PAQR5: variants seen among roughly 807,000 people sequenced by gnomAD.
PAQR5 encodes membrane progestin receptor gamma.
PAQR5 carries 20 observed loss-of-function variants against 34.5 expected under a neutral mutation model. The observed-to-expected ratio is 0.58, with a 90% CI of 0.41 to 0.84. The LOEUF (loss-of-function observed/expected upper bound fraction) is 0.84. Ranked by LOEUF, PAQR5 falls within the 40% of genes least tolerant of loss-of-function variation. The pLI is 0.00. For synonymous variants in PAQR5, 131 were observed against 155.6 expected, an observed-to-expected ratio of 0.84 and a Z score of 1.18; for missense variants, 378 against 412.7, an observed-to-expected ratio of 0.92 and a Z score of 0.73.
At chr15:69,316,050 T>C (rs1454231093) in intron 1 of PAQR5, among the ~76,000 whole-genome samples, 1 of 152,200 alleles carries the variant, frequency 6.6e-6, no homozygotes, top group Non-Finnish European at 1.5e-5. Context: ...CTGATTTAGA[T>C]GAACTGTTAT....
At chr15:69,366,876 G>A (rs929151658) in intron 3 of PAQR5, among the ~76,000 whole-genome samples, 1 of 151,840 alleles carries the variant, frequency 6.6e-6, no homozygotes, top group African/African-American at 2.4e-5. Context: ...GTATATCCAA[G>A]TTTATAATTG....
chr15:69,321,217 C>G (rs1432598298), intron 1 of PAQR5, among the ~76,000 whole-genome samples: 2 of 152,246 alleles, frequency 1.3e-5, no homozygotes. Context: ...CATGCAACAT[C>G]TGAGTAGGAC....
chr15:69,337,042 T>C (rs538946882), intron 1 of PAQR5, among the ~76,000 whole-genome samples: 4 of 152,254 alleles, frequency 2.6e-5, no homozygotes, highest in African/African-American at 9.6e-5. Context: ...TCAGATAACT[T>C]TAAAAATTGT....
intron 2 of PAQR5, among the ~76,000 whole-genome samples, chr15:69,342,088 A>C (rs902646597): frequency 6.6e-6 from 1 of 152,076 alleles, no homozygotes; most frequent in African/African-American, 2.4e-5. Flanking sequence ...CCAGAAATGC[A>C]TTAGTTTCTA....
rs1286101357 is a variant in PAQR5, at chr15:69,407,147, T to C, written c.*3325T>C. On this transcript the variant is annotated 3_prime_UTR_variant, in exon 9 of 9. Transcript: ENST00000395407. ...TTTAACATTTTTTAATTAAAAAAAA[T>C]ATTTTTTGAGACAGGGTCTTGTTCT... 2 of 152,218 alleles carry C rather than the reference T, an allele frequency of 1.3e-5. No individual in the cohort carries two copies. Among genetic ancestry groups the C allele is most frequent in the Non-Finnish European group, 2.9e-5 (2 of 68,052 alleles). 9.4% of individuals were successfully genotyped at this position (152,218 alleles called of 1,614,324 possible).
At chr15:69,350,474 C>T (rs1482220554) in intron 2 of PAQR5, among the ~76,000 whole-genome samples, 2 of 151,994 alleles carry the variant, frequency 1.3e-5, no homozygotes, top group African/African-American at 4.8e-5. Flanking sequence ...GAAACGCTGT[C>T]TCTGCTAAAA....
chr15:69,318,672 G>A (rs1379768771), intron 1 of PAQR5, among the ~76,000 whole-genome samples: 1 of 151,900 alleles, frequency 6.6e-6, no homozygotes, highest in African/African-American at 2.4e-5. Context: ...AAGGGAGGTA[G>A]TTCAAGACCC....
In PAQR5 at chr15:69,385,524, A is replaced by C. The variant is rs534348119; in HGVS notation, c.385+642A>C. On this transcript the variant is annotated intron_variant, in intron 5 of 8. Transcript: ENST00000395407. This position sits in a 1 kb window ranked among gnomAD's most constrained non-coding sequence, Gnocchi z 4.7. ...CCTAAGCTGGTGAAATTCGGTGCTG[A>C]CCGCCCCCTCTTCCTTGTCTTTTTC... Among the ~76,000 whole-genome samples, 1 of 151,954 alleles carries C rather than the reference A, an allele frequency of 6.6e-6. No individual in the cohort carries two copies. The highest frequency in any genetic ancestry group is 1.9e-4 in the East Asian group (1 of 5,172).
chr15:69,394,611 G>A (rs1216772595), intron 6 of PAQR5, among the ~76,000 whole-genome samples: 2 of 152,168 alleles, frequency 1.3e-5, no homozygotes, highest in Admixed American at 6.5e-5. Context: ...GGCTTCTCCC[G>A]TAACCCAGTG....
chr15:69,348,345 C>A (rs2054826063), intron 2 of PAQR5, among the ~76,000 whole-genome samples: 1 of 152,178 alleles, frequency 6.6e-6, no homozygotes, highest in African/African-American at 2.4e-5. Flanking sequence ...AATGGGGAAA[C>A]TGAAGCACAG....
chr15:69,381,604 A>G (rs1010307858), intron 4 of PAQR5, among the ~76,000 whole-genome samples: 1 of 152,070 alleles, frequency 6.6e-6, no homozygotes, highest in Non-Finnish European at 1.5e-5. Context: ...CCGCACCCCC[A>G]TCACCTCCAG....
At chr15:69,307,768 G>A (rs1305213167) in intron 1 of PAQR5, among the ~76,000 whole-genome samples, 1 of 152,088 alleles carries the variant, frequency 6.6e-6, no homozygotes, top group Non-Finnish European at 1.5e-5. Flanking sequence ...AGAAGACCAA[G>A]TGAGAGAAAG....
Position 69,385,268 on chromosome 15 carries a change from T to C in PAQR5, c.385+386T>C, listed in dbSNP as rs2056074877. ...GTAGATGTAGTCATTGAGTACTCAG[T>C]ACTTTTGTTAATATGATTTATTTAA... On this transcript the variant is annotated intron_variant, in intron 5 of 8. Transcript: ENST00000395407. This position sits in a 1 kb window ranked among gnomAD's most constrained non-coding sequence, Gnocchi z 4.7. Among the ~76,000 whole-genome samples the C allele has an allele frequency of 6.6e-6, 1 of 152,224 alleles. No homozygotes were observed. The highest frequency in any genetic ancestry group is 2.4e-5 in the African/African-American group (1 of 41,448).
rs113263881 is a variant in PAQR5, at chr15:69,405,961, T to C, written c.*2139T>C. 1 of 152,208 alleles carries C rather than the reference T, an allele frequency of 6.6e-6. No homozygotes were observed. Among genetic ancestry groups the C allele is most frequent in the African/African-American group, 2.4e-5 (1 of 41,454 alleles). 9.4% of individuals were successfully genotyped at this position (152,208 alleles called of 1,614,324 possible). A position where few individuals can be genotyped will look rare whatever the true frequency, so the allele number is the denominator to read the frequency against. On this transcript the variant is annotated 3_prime_UTR_variant, in exon 9 of 9. Transcript: ENST00000395407. ...AGAACACTGATTTGAAAGCTTCCTA[T>C]GCAAAATGAGAAGGGGTTCAAATAT...
chr15:69,340,107 C>G (rs935488295), intron 2 of PAQR5, among the ~76,000 whole-genome samples: 4 of 152,008 alleles, frequency 2.6e-5, no homozygotes, highest in African/African-American at 9.7e-5. Context: ...CTCAGGTGAT[C>G]TGCCCGCCTT....
intron 1 of PAQR5, among the ~76,000 whole-genome samples, chr15:69,301,744 C>G (rs1336799291): frequency 6.6e-6 from 1 of 151,964 alleles, no homozygotes; most frequent in East Asian, 1.9e-4. Flanking sequence ...AGTCCTTTCT[C>G]AGCATCTTGG....
intron 6 of PAQR5, among the ~76,000 whole-genome samples, chr15:69,395,288 G>A (rs539190842): frequency 1.1e-4 from 17 of 152,360 alleles, no homozygotes; most frequent in Non-Finnish European, 2.2e-4. Flanking sequence ...CGGGGTCTGA[G>A]TCTGCGCAGC....
At chr15:69,323,858 G>T (rs984110122) in intron 1 of PAQR5, among the ~76,000 whole-genome samples, 3 of 152,070 alleles carry the variant, frequency 2.0e-5, no homozygotes, top group Non-Finnish European at 4.4e-5. Flanking sequence ...AGTATTACGA[G>T]ATTTAGGCTG....
chr15:69,359,977 A>G lies in PAQR5; in HGVS notation c.-104A>G. 3.5e-6 allele frequency: 3 copies of G among 847,784 alleles called. No individual in the cohort carries two copies. Among genetic ancestry groups the G allele is most frequent in the Non-Finnish European group, 6.0e-6 (3 of 504,040 alleles). The allele number at this position is 847,784 out of a possible 1,614,324, so 52.5% of individuals were successfully genotyped here. Reference sequence around the variant, plus strand: ...CTGTCCTCTTTCAGGGAAGCGGCACAGCACCAGCTAGGCAGAGACGCCCCA... The same window carrying G: ...CTGTCCTCTTTCAGGGAAGCGGCACGGCACCAGCTAGGCAGAGACGCCCCA... On this transcript the variant is annotated 5_prime_UTR_variant, in exon 3 of 9. Transcript: ENST00000395407.
Sources: gnomAD v4.1 joint callset for allele counts (sites outside exome capture counted in the v4.1 genomes callset) on GRCh38, gnomAD v4.1.1 for gene constraint, Gnocchi (gnomAD v3.1) non-coding constraint, MANE v1.5 for transcripts, NCBI Gene and HGNC (gene_info 2026-07-23, HGNC 2026-07-21) for gene names.